ZNF248: variants seen among roughly 807,000 people sequenced by gnomAD.
ZNF248 encodes the protein KRAB protein domain.
Under a neutral mutation model 44.3 loss-of-function variants are expected in ZNF248, and 20 were observed. That is an observed-to-expected ratio of 0.45 (90% confidence interval 0.32 to 0.66). The LOEUF is 0.66. Ranked by LOEUF, ZNF248 falls within the 30% of genes least tolerant of loss-of-function variation. The pLI is 0.04. For missense variants in ZNF248, 654 were observed against 677.0 expected, an observed-to-expected ratio of 0.97 and a Z score of 0.38; for synonymous variants, 224 against 229.0, an observed-to-expected ratio of 0.98 and a Z score of 0.20.
chr10:37,801,237 G>A (rs1343678411), intron 6 of ZNF248, among the ~76,000 whole-genome samples: 5 of 151,806 alleles, frequency 3.3e-5, no homozygotes, highest in African/African-American at 1.2e-4. Flanking sequence ...TTAGCTGGAC[G>A]TGGTGGCATG....
intron 6 of ZNF248, among the ~76,000 whole-genome samples, chr10:37,788,556 G>A (rs1009855769): frequency 6.6e-6 from 1 of 152,172 alleles, no homozygotes; most frequent in African/African-American, 2.4e-5. Flanking sequence ...GGGAGGTGGA[G>A]GTTGCAGTGA....
At chr10:37,845,535 G>A (rs964149409) in intron 3 of ZNF248, among the ~76,000 whole-genome samples, 1 of 151,896 alleles carries the variant, frequency 6.6e-6, no homozygotes, top group Non-Finnish European at 1.5e-5. Context: ...CAACTTTAAA[G>A]TAAAAGGAAA....
At chr10:37,787,525 T>A (rs1468804960) in intron 6 of ZNF248, among the ~76,000 whole-genome samples, 1 of 152,028 alleles carries the variant, frequency 6.6e-6, no homozygotes. Context: ...ATTTATTTAT[T>A]TATTTTTGGT....
At chr10:37,775,343 C>A (rs1040142587), downstream of ZNF248, 2 of 152,110 alleles carry the variant, frequency 1.3e-5, no homozygotes, top group African/African-American at 4.8e-5. Flanking sequence ...AAACAACTCA[C>A]CTGGCATTTG....
intron 6 of ZNF248, among the ~76,000 whole-genome samples, chr10:37,793,552 A>T (rs571931515): frequency 6.6e-6 from 1 of 152,314 alleles, no homozygotes; most frequent in African/African-American, 2.4e-5. Flanking sequence ...GAAAGATATT[A>T]AGGCAAAGTG....
At position 37,816,085 on chromosome 10, in the gene ZNF248, G is replaced by A. The variant is rs537985267; in HGVS notation, c.330+16940C>T. ...AATTTACTTCATCTAAAACATGGGT[G>A]CTAGAAAGAACTATTTCACTTTCTC... On this transcript the variant is annotated intron_variant, in intron 6 of 6. Coordinates refer to the ZNF248 transcript ENST00000615949. Among the ~76,000 whole-genome samples, 14 of 152,030 alleles carry A rather than the reference G, an allele frequency of 9.2e-5. No homozygotes were observed. The South Asian group carries it at 2.9e-3, about 32-fold the overall frequency.
chr10:37,766,580 A>C, the ZNF248 span, among the ~76,000 whole-genome samples: 9 of 152,342 alleles, frequency 5.9e-5, no homozygotes, highest in African/African-American at 1.9e-4. Flanking sequence ...TGTTAGAAGG[A>C]AAACTAACAA....
the ZNF248 span, among the ~76,000 whole-genome samples, chr10:37,762,939 TA>T: frequency 6.6e-6 from 1 of 152,228 alleles, no homozygotes. Flanking sequence ...TGTAAATAAT[TA>T]TTTTTTTAAA....
intron 3 of ZNF248, among the ~76,000 whole-genome samples, chr10:37,853,114 G>C (rs925103220): frequency 2.6e-5 from 4 of 151,210 alleles, no homozygotes; most frequent in Non-Finnish European, 5.9e-5. Flanking sequence ...AAAGTGCTGG[G>C]ATTTACAGGC....
At chr10:37,779,879 A>T (rs1488202077) in intron 6 of ZNF248, among the ~76,000 whole-genome samples, 1 of 151,098 alleles carries the variant, frequency 6.6e-6, no homozygotes, top group Non-Finnish European at 1.5e-5. Context: ...CAACAGACAA[A>T]CAGAGAGCCA....
chr10:37,814,414 C>G (rs1201759955), intron 6 of ZNF248, among the ~76,000 whole-genome samples: 1 of 152,222 alleles, frequency 6.6e-6, no homozygotes, highest in African/African-American at 2.4e-5. Flanking sequence ...AGTGGAATTA[C>G]TAACCAAAGT....
At chr10:37,811,681 A>AT (rs550836308) in intron 6 of ZNF248, among the ~76,000 whole-genome samples, 6,970 of 141,784 alleles carry the variant, frequency 0.049, 279 homozygotes, top group African/African-American at 0.11. Context: ...CAAAAAAAAA[A>AT]ATATATATAT....
the ZNF248 span, among the ~76,000 whole-genome samples, chr10:37,770,196 G>C: frequency 1.3e-5 from 2 of 152,144 alleles, no homozygotes; most frequent in Non-Finnish European, 2.9e-5. Flanking sequence ...TGGCCATACT[G>C]CCCAAGGTAA....
downstream of ZNF248, among the ~76,000 whole-genome samples, chr10:37,823,825 C>T (rs1478178029): frequency 6.6e-6 from 1 of 151,976 alleles, no homozygotes; most frequent in Non-Finnish European, 1.5e-5. Context: ...CCACCCACCT[C>T]GGCCTCCCAA....
intron 3 of ZNF248, among the ~76,000 whole-genome samples, chr10:37,853,652 T>G (rs1344206637): frequency 6.6e-6 from 1 of 152,066 alleles, no homozygotes; most frequent in Non-Finnish European, 1.5e-5. Flanking sequence ...AGTGCTGGGA[T>G]TACAGGCAGG....
Position 37,831,792 on chromosome 10 carries a change from C to T in ZNF248, c.1563G>A (p.Lys521=), listed in dbSNP as rs1779132. ...QRTHTGEKPY[K]CNECGKTFCE... ...AGAAGGTTTTCCCACATTCATTACA[C>T]TTATATGGTTTCTCCCCAGTGTGAG... The change falls in exon 6 of 6, where the codon AAG becomes AAA. Residue 521 remains lysine (K), a synonymous_variant. Transcript: ENST00000395867. The T allele has an allele frequency of 0.074, 120,015 of 1,612,900 alleles. 5,082 individuals are homozygous for T. The highest frequency in any genetic ancestry group is 0.087 in the Non-Finnish European group (102,387 of 1,179,626).
At chr10:37,779,550 C>T (rs2047028526) in intron 6 of ZNF248, among the ~76,000 whole-genome samples, 1 of 151,580 alleles carries the variant, frequency 6.6e-6, no homozygotes, top group African/African-American at 2.4e-5. Context: ...AAACCCACAG[C>T]CAATATCATA....
intron 6 of ZNF248, among the ~76,000 whole-genome samples, chr10:37,780,734 C>CCGG (rs1254241476): frequency 2.0e-5 from 3 of 152,086 alleles, no homozygotes; most frequent in African/African-American, 7.2e-5. Context: ...CTTGCGATCC[C>CCGG]CGGCCACCCT....
At chr10:37,788,343 A>T (rs986662349) in intron 6 of ZNF248, among the ~76,000 whole-genome samples, 4 of 151,470 alleles carry the variant, frequency 2.6e-5, no homozygotes, top group African/African-American at 9.7e-5. Context: ...TGCAAGGGCC[A>T]GACACGGTGG....
Sources: allele counts gnomAD v4.1 joint callset (sites outside exome capture counted in the v4.1 genomes callset), GRCh38; gene constraint gnomAD v4.1.1; transcripts MANE v1.5; gene names NCBI Gene and HGNC (gene_info 2026-07-23, HGNC 2026-07-21).